ANKRD29: variants seen among roughly 807,000 people sequenced by gnomAD.
The protein encoded by ANKRD29 is ankyrin repeat domain 29.
In ANKRD29, 32 loss-of-function variants were observed where a neutral mutation model predicts 38.0. The observed-to-expected ratio is 0.84, with a 90% confidence interval of 0.64 to 1.13. The LOEUF (loss-of-function observed/expected upper bound fraction) is 1.13, where lower values mean the gene tolerates loss of function less well. ANKRD29 is among the 50% of genes most tolerant of loss of function. The pLI is 0.00. For missense variants in ANKRD29, 357 were observed against 377.9 expected (o/e 0.94, Z 0.46); for synonymous variants, 135 against 152.4 (o/e 0.89, Z 0.84).
intron 1 of ANKRD29, among the ~76,000 whole-genome samples, chr18:23,657,026 T>A (rs1385077081): frequency 6.6e-6 from 1 of 152,236 alleles, no homozygotes. Context: ...CCCACCTGGC[T>A]TCCAGGCCAC....
intron 7 of ANKRD29, chr18:23,618,699 A>G (rs2059754559): frequency 2.6e-5 from 4 of 151,768 alleles, no homozygotes; most frequent in African/African-American, 9.7e-5. Flanking sequence ...TTTTTCTCCC[A>G]TTTTCACATA....
At chr18:23,634,008 A>T in intron 5 of ANKRD29, 43 bp downstream of exon 5, 4 of 1,586,008 alleles carry the variant, frequency 2.5e-6, no homozygotes, top group Non-Finnish European at 3.5e-6. Context: ...GCAATTTTGT[A>T]TGTGATGAGA....
At position 23,613,164 on chromosome 18, in the gene ANKRD29, ATTTTTT is replaced by A. The variant is rs546475443; in HGVS notation, c.724-980_724-975del. On this transcript the variant is annotated intron_variant, in intron 8 of 9. Coordinates refer to ENST00000592179, the MANE Select transcript of ANKRD29 (RefSeq NM_173505.4). ...TCACCTACATGCAACACGGGTCAGAATTTTTTTTTTTTTTTTTTTTTTTTTGGAGAC... is the reference window on the plus strand; with the variant it reads ...TCACCTACATGCAACACGGGTCAGAATTTTTTTTTTTTTTTTTTTGGAGAC... 9.1e-5 allele frequency among the ~76,000 whole-genome samples: 9 copies of A among 99,068 alleles called. No individual in the cohort carries two copies. The East Asian group carries it at 2.7e-3, about 29-fold the overall frequency. 65.0% of individuals were successfully genotyped at this position (99,068 alleles called of 152,430 possible).
At chr18:23,622,389 G>A (rs1938294085) in intron 6 of ANKRD29, among the ~76,000 whole-genome samples, 1 of 152,136 alleles carries the variant, frequency 6.6e-6, no homozygotes, top group South Asian at 2.1e-4. Context: ...CCTGCTCTGG[G>A]TCTGTTTTGT....
chr18:23,616,726 T>C (rs939837548), intron 8 of ANKRD29, among the ~76,000 whole-genome samples: 3 of 146,384 alleles, frequency 2.0e-5, no homozygotes, highest in Non-Finnish European at 4.5e-5. Flanking sequence ...TTTATTACTA[T>C]TTACTATTTA....
intron 1 of ANKRD29, among the ~76,000 whole-genome samples, chr18:23,650,487 C>T (rs928531225): frequency 2.6e-5 from 4 of 152,146 alleles, no homozygotes; most frequent in Non-Finnish European, 5.9e-5. Context: ...TGGAGCCATA[C>T]CTATGGAAAG....
In ANKRD29 at chr18:23,662,756, G is replaced by A. The variant is rs374213967; in HGVS notation, c.-26C>T. The A allele has an allele frequency of 2.6e-4, 375 of 1,457,694 alleles. 1 individual carries two copies. In the African/African-American group the frequency reaches 5.1e-3, roughly 20 times the overall value. 90.3% of individuals were successfully genotyped at this position (1,457,694 alleles called of 1,614,324 possible). A position where few individuals can be genotyped will look rare whatever the true frequency, so the allele number is the denominator to read the frequency against. ...GTCCGCGGCCGCCCGAGCGGGAGCC[G>A]GCGCGCTTTGGGCCCGGGGCGCCTT... On this transcript the variant is annotated 5_prime_UTR_variant, in exon 1 of 10. Coordinates refer to ENST00000592179, the MANE Select transcript of ANKRD29 (RefSeq NM_173505.4).
intron 5 of ANKRD29, among the ~76,000 whole-genome samples, chr18:23,630,425 C>CA (rs2059915728): frequency 3.2e-5 from 3 of 93,906 alleles, no homozygotes; most frequent in South Asian, 6.3e-4. Flanking sequence ...AACTCCTCCT[C>CA]AAAAAACAAA....
rs547498701 is a variant in ANKRD29 at position 23,634,885 on chromosome 18, T to A, written c.331-736A>T. On this transcript the variant is annotated intron_variant, in intron 4 of 9. Coordinates refer to ENST00000592179, the MANE Select transcript of ANKRD29 (RefSeq NM_173505.4). ...CTGGGGAAACGCCGTCTTCTCCCTG[T>A]GATGTAACCCAGTGGTAAGCCACTG... Among the ~76,000 whole-genome samples the A allele has an allele frequency of 3.9e-5, 6 of 152,298 alleles. No individual in the cohort carries two copies. In the South Asian group the frequency reaches 1.2e-3, roughly 32 times the overall value.
At chr18:23,646,065 T>C in intron 3 of ANKRD29, 124 bp downstream of exon 3, 2 of 847,982 alleles carry the variant, frequency 2.4e-6, no homozygotes, top group South Asian at 3.4e-5. Context: ...CAATAAACTC[T>C]GCAATGGGCT....
chr18:23,615,241 T>G (rs1309533330), intron 8 of ANKRD29, among the ~76,000 whole-genome samples: 1 of 152,214 alleles, frequency 6.6e-6, no homozygotes, highest in Non-Finnish European at 1.5e-5. Context: ...ACTCCTGGCC[T>G]CAAGCAGTCT....
intron 3 of ANKRD29, among the ~76,000 whole-genome samples, chr18:23,643,995 GC>G (rs947192517): frequency 4.0e-4 from 61 of 152,342 alleles, no homozygotes; most frequent in African/African-American, 1.4e-3. Flanking sequence ...CAGCCCTCTT[GC>G]CCCAGACTGA....
At chr18:23,651,632 A>C (rs763624448) in intron 1 of ANKRD29, among the ~76,000 whole-genome samples, 7 of 152,176 alleles carry the variant, frequency 4.6e-5, no homozygotes, top group Non-Finnish European at 8.8e-5. Context: ...CTGTCATTTC[A>C]CTTTAACCCC....
intron 9 of ANKRD29, among the ~76,000 whole-genome samples, chr18:23,606,570 C>G (rs951997163): frequency 2.0e-5 from 3 of 152,140 alleles, no homozygotes; most frequent in Non-Finnish European, 4.4e-5. Context: ...CTCTGCCTCC[C>G]AAAGTGCTGG....
At chr18:23,622,238 T>G (rs1403986007) in intron 6 of ANKRD29, among the ~76,000 whole-genome samples, 1 of 152,182 alleles carries the variant, frequency 6.6e-6, no homozygotes, top group Non-Finnish European at 1.5e-5. Context: ...ACAGTCACAG[T>G]GGCTTGGACA....
chr18:23,651,084 T>C (rs2060205036), intron 1 of ANKRD29, among the ~76,000 whole-genome samples: 1 of 152,176 alleles, frequency 6.6e-6, no homozygotes, highest in Admixed American at 6.5e-5. Context: ...CCCTCTAAAA[T>C]GAAAGGACAG....
At chr18:23,649,274 C>T in intron 1 of ANKRD29, 81 bp from the exon 2 acceptor site, 1 of 1,019,030 alleles carries the variant, frequency 9.8e-7, no homozygotes, top group Non-Finnish European at 1.5e-6. Flanking sequence ...TAATAACATT[C>T]AGAAAGAAGA....
chr18:23,603,086 T>G (rs1055276316), intron 9 of ANKRD29, among the ~76,000 whole-genome samples: 1 of 152,234 alleles, frequency 6.6e-6, no homozygotes, highest in African/African-American at 2.4e-5. Context: ...AAGGAGTATT[T>G]TAACAGTCTT....
intron 2 of ANKRD29, chr18:23,647,624 AT>A (rs1303446410): frequency 6.6e-6 from 1 of 151,792 alleles, no homozygotes; most frequent in Non-Finnish European, 1.5e-5. Flanking sequence ...GGTTCAAGTG[AT>A]TCTCTTGCCT....
Sources: gnomAD v4.1 joint callset for allele counts (sites outside exome capture counted in the v4.1 genomes callset) on GRCh38, gnomAD v4.1.1 for gene constraint, MANE v1.5 for transcripts, NCBI Gene and HGNC (gene_info 2026-07-23, HGNC 2026-07-21) for gene names.